Variants in LPP observed in about 807,000 individuals in gnomAD.
LPP encodes LIM domain containing preferred translocation partner in lipoma.
A neutral mutation model predicts 60.4 loss-of-function variants in LPP; 38 were observed. The ratio of observed to expected loss-of-function variants is 0.63; its 90% CI spans 0.49 to 0.83. The LOEUF (loss-of-function observed/expected upper bound fraction) is 0.83. Ranked by LOEUF, LPP falls within the 40% of genes least tolerant of loss-of-function variation. The pLI is 0.00. For missense variants in LPP, 902 were observed against 783.6 expected, an observed-to-expected ratio of 1.15 and a Z score of -1.80; for synonymous variants, 328 against 290.8, an observed-to-expected ratio of 1.13 and a Z score of -1.30.
chr3:188,609,955 G>A lies in LPP; in HGVS notation c.1113+111G>A, dbSNP rs1268641036. ...GTGTGTGTGTTACTTTTATTTCACT[G>A]ACAAATACAATCCCAGGGAAGGATG... On this transcript the variant is annotated intron_variant, in intron 7 of 11. Coordinates refer to ENST00000617246, the MANE Select transcript of LPP (RefSeq NM_001375462.1). The surrounding 1 kb of genome is among the most constrained non-coding windows in gnomAD (Gnocchi z 6.9). The A allele has an allele frequency of 1.1e-5, 11 of 1,034,632 alleles. No individual in the cohort carries two copies. The highest frequency in any genetic ancestry group is 1.5e-5 in the Non-Finnish European group (11 of 717,056). The allele number at this position is 1,034,632 out of a possible 1,614,324, so 64.1% of individuals were successfully genotyped here.
chr3:188,800,221 T>G (rs1467752886), intron 9 of LPP, among the ~76,000 whole-genome samples: 1 of 149,644 alleles, frequency 6.7e-6, no homozygotes, highest in East Asian at 1.9e-4. Context: ...TTTGTGCAAT[T>G]ATCTTCATGA....
At chr3:188,634,877 C>T (rs1848447772) in intron 7 of LPP, among the ~76,000 whole-genome samples, 1 of 152,110 alleles carries the variant, frequency 6.6e-6, no homozygotes, top group Non-Finnish European at 1.5e-5. Context: ...CTTGAATCAA[C>T]CTGAAACTAT....
At chr3:188,419,745 C>T (rs745351471) in intron 4 of LPP, among the ~76,000 whole-genome samples, 3 of 152,094 alleles carry the variant, frequency 2.0e-5, no homozygotes, top group Non-Finnish European at 4.4e-5. Context: ...CAAAAATTAG[C>T]CGGGCGTGGT....
chr3:188,787,948 CA>C (rs1194371073), intron 9 of LPP, among the ~76,000 whole-genome samples: 2 of 152,304 alleles, frequency 1.3e-5, no homozygotes, highest in East Asian at 3.9e-4. Context: ...CATAGGCCCA[CA>C]AATGCAACAG....
At chr3:188,824,208 G>A (rs573117059) in intron 9 of LPP, among the ~76,000 whole-genome samples, 4 of 152,246 alleles carry the variant, frequency 2.6e-5, no homozygotes, top group South Asian at 2.1e-4. Flanking sequence ...TTCGGGTGGC[G>A]TGAGATTTAA....
In LPP at chr3:188,879,237, T is replaced by G. The variant is rs1769636132; in HGVS notation, c.*4758T>G. ...AGCTACTATGACTTGGTAAGGATTCTTCCTCTCTTGCTTTCTTCCTCCCTT... is the reference window on the plus strand; with the variant it reads ...AGCTACTATGACTTGGTAAGGATTCGTCCTCTCTTGCTTTCTTCCTCCCTT... On this transcript the variant is annotated 3_prime_UTR_variant, in exon 12 of 12. Transcript: ENST00000617246. 1 of 230,838 alleles carries G rather than the reference T, an allele frequency of 4.3e-6. No individual in the cohort carries two copies. Among genetic ancestry groups the G allele is most frequent in the Non-Finnish European group, 8.6e-6 (1 of 116,636 alleles). 14.3% of individuals were successfully genotyped at this position (230,838 alleles called of 1,614,324 possible).
chr3:188,175,304 G>T (rs1027164470), intron 1 of LPP, among the ~76,000 whole-genome samples: 6 of 152,066 alleles, frequency 3.9e-5, no homozygotes, highest in Non-Finnish European at 5.9e-5. Flanking sequence ...GCCCAGGCTG[G>T]TGTGAAACCC....
At chr3:188,441,609 C>CTTTTCTTTTTT (rs1793896698) in intron 4 of LPP, among the ~76,000 whole-genome samples, 2 of 55,644 alleles carry the variant, frequency 3.6e-5, no homozygotes, top group Non-Finnish European at 6.8e-5. Flanking sequence ...CTTTTCTTTT[C>CTTTTCTTTTTT]TTTTTTTTTT....
intron 2 of LPP, among the ~76,000 whole-genome samples, chr3:188,241,434 T>C (rs1461842801): frequency 6.6e-6 from 1 of 152,242 alleles, no homozygotes; most frequent in African/African-American, 2.4e-5. Context: ...TTCTCTTCTC[T>C]TCCTTCTAAT....
intron 7 of LPP, among the ~76,000 whole-genome samples, chr3:188,653,098 C>T (rs1852421216): frequency 6.6e-6 from 1 of 152,200 alleles, no homozygotes. Flanking sequence ...GAAGCTTTCA[C>T]TACATGTTCT....
chr3:188,645,849 A>G (rs1851014282), intron 7 of LPP, among the ~76,000 whole-genome samples: 1 of 151,826 alleles, frequency 6.6e-6, no homozygotes, highest in South Asian at 2.1e-4. Flanking sequence ...AATAATTTAT[A>G]TCAGACAAAT....
At chr3:188,857,976 C>T (rs994133854) in intron 9 of LPP, among the ~76,000 whole-genome samples, 9 of 152,134 alleles carry the variant, frequency 5.9e-5, no homozygotes, top group Admixed American at 1.3e-4. Flanking sequence ...ACTGGGTTCT[C>T]GCTTTGATAA....
At chr3:188,699,477 T>C (rs1276202855) in intron 7 of LPP, among the ~76,000 whole-genome samples, 1 of 152,176 alleles carries the variant, frequency 6.6e-6, no homozygotes, top group African/African-American at 2.4e-5. Flanking sequence ...ATGCATGGCA[T>C]GAGAAAGGGA....
At chr3:188,674,716 T>G (rs914265565) in intron 7 of LPP, among the ~76,000 whole-genome samples, 3 of 152,212 alleles carry the variant, frequency 2.0e-5, no homozygotes, top group African/African-American at 7.2e-5. Context: ...TTTTGCAATG[T>G]GGAATCTGGA....
chr3:188,826,782 A>C (rs1309502416), intron 9 of LPP, among the ~76,000 whole-genome samples: 1 of 149,904 alleles, frequency 6.7e-6, no homozygotes, highest in Non-Finnish European at 1.5e-5. Flanking sequence ...GACCCCCCCC[A>C]CTCTCATCTC....
At chr3:188,287,221 A>G (rs1012342820) in intron 2 of LPP, among the ~76,000 whole-genome samples, 4 of 152,248 alleles carry the variant, frequency 2.6e-5, no homozygotes, top group Admixed American at 6.5e-5. Context: ...TTTAAAAATT[A>G]CAAGTTTCCA....
chr3:188,207,605 T>C (rs1733648361), intron 1 of LPP, among the ~76,000 whole-genome samples: 1 of 151,408 alleles, frequency 6.6e-6, no homozygotes, highest in Non-Finnish European at 1.5e-5. Context: ...GTTCAAATCT[T>C]TCTTTTCTTT....
intron 8 of LPP, among the ~76,000 whole-genome samples, chr3:188,733,578 G>A (rs1255828612): frequency 6.6e-6 from 1 of 152,044 alleles, no homozygotes; most frequent in Non-Finnish European, 1.5e-5. Flanking sequence ...TTTATTCCAA[G>A]ATAATTCAAT....
In LPP at chr3:188,877,741, A is replaced by T. The variant is rs1296143664; in HGVS notation, c.*3262A>T. 1 of 203,714 alleles carries T rather than the reference A, an allele frequency of 4.9e-6. No individual in the cohort carries two copies. The highest frequency in any genetic ancestry group is 2.3e-5 in the African/African-American group (1 of 43,682). 12.6% of individuals were successfully genotyped at this position (203,714 alleles called of 1,614,324 possible). A position where few individuals can be genotyped will look rare whatever the true frequency, so the allele number is the denominator to read the frequency against. On this transcript the variant is annotated 3_prime_UTR_variant, in exon 12 of 12. Coordinates refer to ENST00000617246, the MANE Select transcript of LPP (RefSeq NM_001375462.1). ...AGACATGGTGGCATGCGCTTGTTTA[A>T]AAAAACAAATAAATAAATAATCGAC...
Sources: gnomAD v4.1 joint callset for allele counts (sites outside exome capture counted in the v4.1 genomes callset) on GRCh38, gnomAD v4.1.1 for gene constraint, Gnocchi (gnomAD v3.1) non-coding constraint, MANE v1.5 for transcripts, NCBI Gene and HGNC (gene_info 2026-07-23, HGNC 2026-07-21) for gene names.